The following PPP1R9A variants were observed in gnomAD, a reference collection of about 807,000 sequenced individuals.
PPP1R9A encodes the protein neurabin-1.
PPP1R9A carries 59 observed loss-of-function variants against 141.9 expected under a neutral mutation model. The ratio of observed to expected loss-of-function variants is 0.42; its 90% confidence interval spans 0.34 to 0.52. The LOEUF (loss-of-function observed/expected upper bound fraction) is 0.52, where lower values mean the gene tolerates loss of function less well. Among genes scored for constraint, PPP1R9A ranks in the 20% least tolerant of loss-of-function variants. The pLI is 0.10. For synonymous variants in PPP1R9A, 500 were observed against 569.7 expected, an observed-to-expected ratio of 0.88 and a Z score of 1.74; for missense variants, 1,444 against 1,611.9, an observed-to-expected ratio of 0.90 and a Z score of 1.78.
intron 2 of PPP1R9A, among the ~76,000 whole-genome samples, chr7:95,068,994 A>G (rs1221956761): frequency 6.6e-6 from 1 of 152,218 alleles, no homozygotes; most frequent in Non-Finnish European, 1.5e-5. Flanking sequence ...TAGTATTTGC[A>G]TATAACCCAC....
intron 2 of PPP1R9A, among the ~76,000 whole-genome samples, chr7:95,104,627 G>T (rs1458431833): frequency 1.3e-5 from 2 of 152,092 alleles, no homozygotes; most frequent in Non-Finnish European, 1.5e-5. Flanking sequence ...TTTGCAGCAA[G>T]CACCTAACAT....
rs1192182486 is a variant in PPP1R9A, at chr7:95,008,967, A to G, written c.1395+97459A>G. Among the ~76,000 whole-genome samples, 5 of 152,166 alleles carry G rather than the reference A, an allele frequency of 3.3e-5. No individual in the cohort carries two copies. The East Asian group carries it at 9.6e-4, about 29-fold the overall frequency. ...ACCTGTACACCATGGAATACTATGCAGCCGTAAAAAAGGTTGAGTTCATGT... is the reference window on the plus strand; with the variant it reads ...ACCTGTACACCATGGAATACTATGCGGCCGTAAAAAAGGTTGAGTTCATGT... On this transcript the variant is annotated intron_variant, in intron 2 of 19. Coordinates refer to ENST00000433360, the MANE Select transcript of PPP1R9A (RefSeq NM_001166160.2).
chr7:95,048,908 C>G (rs1383003746), intron 2 of PPP1R9A, among the ~76,000 whole-genome samples: 1 of 152,032 alleles, frequency 6.6e-6, no homozygotes, highest in East Asian at 1.9e-4. Flanking sequence ...ATAAGTGTAT[C>G]TGTTATTTGA....
At chr7:95,012,460 A>AT (rs915465678) in intron 2 of PPP1R9A, among the ~76,000 whole-genome samples, 9 of 152,110 alleles carry the variant, frequency 5.9e-5, no homozygotes, top group African/African-American at 2.2e-4. Context: ...AACATGGGGG[A>AT]TTACAATTTC....
At chr7:95,103,310 A>G (rs926223700) in intron 2 of PPP1R9A, among the ~76,000 whole-genome samples, 6 of 148,564 alleles carry the variant, frequency 4.0e-5, no homozygotes, top group African/African-American at 1.5e-4. Context: ...CGTTTGAACT[A>G]GCATGCTCTC....
chr7:94,934,501 T>C (rs2150872616), intron 2 of PPP1R9A, among the ~76,000 whole-genome samples: 1 of 152,264 alleles, frequency 6.6e-6, no homozygotes, highest in African/African-American at 2.4e-5. Context: ...GAACATTTTT[T>C]TTTTTTGTCA....
At chr7:95,127,130 T>C (rs1411518483) in intron 4 of PPP1R9A, among the ~76,000 whole-genome samples, 3 of 152,170 alleles carry the variant, frequency 2.0e-5, no homozygotes, top group African/African-American at 7.2e-5. Flanking sequence ...CTTCTCTTCC[T>C]CCCTCCCTCT....
In PPP1R9A at chr7:95,169,541, C is replaced by T. The variant is rs565182878; in HGVS notation, c.1754+7570C>T. Among the ~76,000 whole-genome samples the T allele has an allele frequency of 2.6e-5, 4 of 151,994 alleles. No homozygotes were observed. In the South Asian group the frequency reaches 8.3e-4, roughly 32 times the overall value. ...GCTAGAACAGAGCACTTGAAATGTT[C>T]CCAGCACGTAGAAATGATAAATAGT... On this transcript the variant is annotated intron_variant, in intron 5 of 19. Transcript: ENST00000433360.
chr7:95,258,958 G>T (rs1369134557), intron 12 of PPP1R9A, among the ~76,000 whole-genome samples: 1 of 152,156 alleles, frequency 6.6e-6, no homozygotes, highest in Non-Finnish European at 1.5e-5. Context: ...AGAAACTCTT[G>T]TCAGTGTATA....
At chr7:95,210,494 C>T (rs889333291) in intron 7 of PPP1R9A, among the ~76,000 whole-genome samples, 4 of 151,096 alleles carry the variant, frequency 2.6e-5, no homozygotes, top group African/African-American at 9.7e-5. Context: ...GAGACAGAGT[C>T]TTGCTCTGTC....
At chr7:95,093,358 A>G (rs770864104) in intron 2 of PPP1R9A, among the ~76,000 whole-genome samples, 10 of 152,148 alleles carry the variant, frequency 6.6e-5, no homozygotes, top group Non-Finnish European at 1.2e-4. Context: ...ATTTAAATCC[A>G]TTCTCCAGCA....
chr7:95,051,293 A>G (rs1043067277), intron 2 of PPP1R9A, among the ~76,000 whole-genome samples: 4 of 151,984 alleles, frequency 2.6e-5, no homozygotes, highest in Non-Finnish European at 5.9e-5. Context: ...TCAGTCAAGC[A>G]TATTTATATG....
At chr7:95,053,984 T>C (rs530560567) in intron 2 of PPP1R9A, among the ~76,000 whole-genome samples, 13 of 152,310 alleles carry the variant, frequency 8.5e-5, no homozygotes, top group Admixed American at 2.0e-4. Flanking sequence ...GAAAGAAATG[T>C]TAAATCAGCT....
chr7:95,105,085 G>A (rs574190544), intron 2 of PPP1R9A, among the ~76,000 whole-genome samples: 1 of 152,314 alleles, frequency 6.6e-6, no homozygotes, highest in African/African-American at 2.4e-5. Context: ...CTGAGACCGT[G>A]TGGAAGCATT....
At chr7:95,154,478 T>C (rs1453561058) in intron 4 of PPP1R9A, among the ~76,000 whole-genome samples, 1 of 152,164 alleles carries the variant, frequency 6.6e-6, no homozygotes, top group Non-Finnish European at 1.5e-5. Flanking sequence ...TGAATTTAGA[T>C]TCGTAAATTA....
intron 4 of PPP1R9A, among the ~76,000 whole-genome samples, chr7:95,129,548 A>G (rs1329266810): frequency 1.3e-5 from 2 of 152,240 alleles, no homozygotes; most frequent in Non-Finnish European, 2.9e-5. Context: ...TATTGCTGAA[A>G]AGACACCTGA....
At chr7:95,215,668 C>T (rs1793210645) in intron 7 of PPP1R9A, among the ~76,000 whole-genome samples, 2 of 152,214 alleles carry the variant, frequency 1.3e-5, no homozygotes, top group South Asian at 4.1e-4. Flanking sequence ...GCCATTCTAA[C>T]TGGCATGAGA....
At chr7:95,224,734 T>C (rs1249972201) in intron 7 of PPP1R9A, among the ~76,000 whole-genome samples, 1 of 151,902 alleles carries the variant, frequency 6.6e-6, no homozygotes, top group Non-Finnish European at 1.5e-5. Flanking sequence ...AGTGAGGGGC[T>C]CCTGCTTTGG....
intron 4 of PPP1R9A, among the ~76,000 whole-genome samples, chr7:95,138,093 C>T (rs901953651): frequency 9.2e-5 from 14 of 151,916 alleles, no homozygotes; most frequent in African/African-American, 1.9e-4. Context: ...CCATCACACC[C>T]GGCTAATTTT....
Sources: gnomAD v4.1 joint callset for allele counts (sites outside exome capture counted in the v4.1 genomes callset) on GRCh38, gnomAD v4.1.1 for gene constraint, MANE v1.5 for transcripts, NCBI Gene and HGNC (gene_info 2026-07-23, HGNC 2026-07-21) for gene names.